Variants in ZNF423 observed in about 807,000 individuals in gnomAD.
ZNF423 encodes zinc finger protein 423.
ZNF423 carries 12 observed loss-of-function variants against 95.8 expected under a neutral mutation model. The ratio of observed to expected loss-of-function variants is 0.13; its 90% confidence interval spans 0.08 to 0.20. The LOEUF (loss-of-function observed/expected upper bound fraction) is 0.20. Ranked by LOEUF, ZNF423 falls within the 10% of genes least tolerant of loss-of-function variation. The pLI, the probability that ZNF423 is intolerant of heterozygous loss-of-function variation, is 1.00. For synonymous variants in ZNF423, 749 were observed against 711.9 expected, an observed-to-expected ratio of 1.05 and a Z score of -0.83; for missense variants, 1,316 against 1,737.1, an observed-to-expected ratio of 0.76 and a Z score of 4.31.
intron 5 of ZNF423, among the ~76,000 whole-genome samples, chr16:49,613,826 T>C (rs1347182041): frequency 1.3e-5 from 2 of 152,044 alleles, no homozygotes; most frequent in Admixed American, 6.6e-5. Flanking sequence ...CTAAGTCTTA[T>C]ATTGTATATA....
At chr16:49,661,815 G>A (rs905065015) in intron 3 of ZNF423, among the ~76,000 whole-genome samples, 2 of 152,166 alleles carry the variant, frequency 1.3e-5, no homozygotes. Flanking sequence ...GAGAGCCTCC[G>A]TTCAAATCTC....
intron 3 of ZNF423, among the ~76,000 whole-genome samples, chr16:49,692,714 C>T (rs2031832124): frequency 6.6e-6 from 1 of 152,230 alleles, no homozygotes. Flanking sequence ...AAATGCCCAC[C>T]CACTCACAAC....
chr16:49,795,010 T>C (rs898247159), intron 1 of ZNF423, among the ~76,000 whole-genome samples: 5 of 152,198 alleles, frequency 3.3e-5, no homozygotes, highest in African/African-American at 1.2e-4. Context: ...TAGCTGGGAT[T>C]ACAGGCGCTT....
chr16:49,858,888 G>A (rs1203208346), upstream of ZNF423, among the ~76,000 whole-genome samples: 2 of 152,196 alleles, frequency 1.3e-5, no homozygotes, highest in Admixed American at 6.5e-5. This position sits in a 1 kb window ranked among gnomAD's most constrained non-coding sequence, Gnocchi z 4.3. Flanking sequence ...CGAGGCCCGC[G>A]GAGAGTGGCT....
At chr16:49,574,813 C>T (rs1460045986) in intron 5 of ZNF423, among the ~76,000 whole-genome samples, 2 of 152,192 alleles carry the variant, frequency 1.3e-5, no homozygotes, top group African/African-American at 4.8e-5. Flanking sequence ...TGCTGCCTGC[C>T]CCTGCTGCCC....
chr16:49,754,777 G>A (rs911540069), intron 2 of ZNF423, among the ~76,000 whole-genome samples: 2 of 152,208 alleles, frequency 1.3e-5, no homozygotes, highest in Non-Finnish European at 2.9e-5. Context: ...TGGGGGGCTT[G>A]CGGGCCTGGG....
intron 1 of ZNF423, among the ~76,000 whole-genome samples, chr16:49,845,420 T>C (rs1462083146): frequency 6.6e-6 from 1 of 151,862 alleles, no homozygotes; most frequent in Admixed American, 6.6e-5. Context: ...TTTTTTTTAA[T>C]GGATGAGAGG....
At chr16:49,849,194 T>C (rs2035276279) in intron 1 of ZNF423, among the ~76,000 whole-genome samples, 1 of 152,138 alleles carries the variant, frequency 6.6e-6, no homozygotes, top group Non-Finnish European at 1.5e-5. Flanking sequence ...GAAGGACAGA[T>C]GACATGATTT....
At chr16:49,520,096 C>G (rs1016643267) in intron 7 of ZNF423, among the ~76,000 whole-genome samples, 1 of 152,158 alleles carries the variant, frequency 6.6e-6, no homozygotes, top group Non-Finnish European at 1.5e-5. Context: ...GTCATTGGCT[C>G]TTATTGGAAA....
At chr16:49,698,642 G>A (rs568320576) in intron 3 of ZNF423, among the ~76,000 whole-genome samples, 12 of 152,282 alleles carry the variant, frequency 7.9e-5, no homozygotes, top group Non-Finnish European at 1.5e-4. Flanking sequence ...CCTCGGCCTG[G>A]CAAGCGGTGG....
chr16:49,615,435 G>A (rs1165385014), intron 5 of ZNF423, among the ~76,000 whole-genome samples: 11 of 152,168 alleles, frequency 7.2e-5, no homozygotes, highest in African/African-American at 2.7e-4. Context: ...GATGGGACAG[G>A]AGGGTTCTGG....
chr16:49,698,652 G>A (rs185900867), intron 3 of ZNF423, among the ~76,000 whole-genome samples: 1 of 152,260 alleles, frequency 6.6e-6, no homozygotes, highest in Non-Finnish European at 1.5e-5. Flanking sequence ...GCAAGCGGTG[G>A]GCCCGGCGCC....
At chr16:49,513,212 G>A (rs1306285116) in intron 7 of ZNF423, among the ~76,000 whole-genome samples, 2 of 152,186 alleles carry the variant, frequency 1.3e-5, no homozygotes, top group East Asian at 1.9e-4. Flanking sequence ...TCCAGCGTGA[G>A]CAACAGGTTC....
At chr16:49,766,286 C>T (rs1048347664) in intron 2 of ZNF423, among the ~76,000 whole-genome samples, 1 of 152,090 alleles carries the variant, frequency 6.6e-6, no homozygotes, top group African/African-American at 2.4e-5. Context: ...TTTGCAGCTC[C>T]AGCGAGCCTA....
Position 49,767,239 on chromosome 16 carries a change from C to T in ZNF423, c.100+22248G>A, listed in dbSNP as rs187485464. On this transcript the variant is annotated intron_variant, in intron 2 of 7. Transcript: ENST00000563137. ...CCAAAGTGCGGGGCTTACAGGCCAC[C>T]GTGCCTGGCCCCAGAACCCAATTCT... Among the ~76,000 whole-genome samples the T allele has an allele frequency of 4.2e-3, 632 of 151,972 alleles. 2 individuals are homozygous for T. The highest frequency in any genetic ancestry group is 7.7e-3 in the Non-Finnish European group (522 of 67,966).
At chr16:49,760,242 G>C (rs2033803990) in intron 2 of ZNF423, among the ~76,000 whole-genome samples, 1 of 122,158 alleles carries the variant, frequency 8.2e-6, no homozygotes, top group African/African-American at 3.1e-5. Flanking sequence ...GGGTGGGGTG[G>C]GTAGATGGAT....
At position 49,809,402 on chromosome 16, in the gene ZNF423, T is replaced by C. The variant is rs2034716466; in HGVS notation, c.41-19856A>G. On this transcript the variant is annotated intron_variant, in intron 1 of 7. Coordinates refer to ENST00000563137, the MANE Select transcript of ZNF423 (RefSeq NM_001379286.1). ...GCTCTGTGTGTCACCCACACTGCTATGCTCCAGCGGGCGGCAGCAGGTTCA... is the reference window on the plus strand; with the variant it reads ...GCTCTGTGTGTCACCCACACTGCTACGCTCCAGCGGGCGGCAGCAGGTTCA... Among the ~76,000 whole-genome samples the C allele has an allele frequency of 2.6e-5, 4 of 152,198 alleles. 1 individual carries two copies. The highest frequency in any genetic ancestry group is 2.9e-5 in the Non-Finnish European group (2 of 68,032).
rs201546282 is a variant in ZNF423 at position 49,638,861 on chromosome 16, G to T, written c.315C>A (p.Asp105Glu). Residue 105 changes from aspartate to glutamate, a missense_variant, in exon 4 of 8, where the codon GAC (aspartate) becomes GAA (glutamate). By Grantham distance (45) the Asp-to-Glu change is conservative (BLOSUM62 2). Coordinates refer to ENST00000563137, the MANE Select transcript of ZNF423 (RefSeq NM_001379286.1). This position sits in a 1 kb window ranked among gnomAD's most constrained non-coding sequence, Gnocchi z 5.6. ...ACGAGGCCACCCAGGAGAGTTGTGGGTCGTCATCACCATCTGCAAGAGAAG... is the reference window on the plus strand; with the variant it reads ...ACGAGGCCACCCAGGAGAGTTGTGGTTCGTCATCACCATCTGCAAGAGAAG... ...AHRCPGDGDD[D>E]PQLSWVASSP... 1.1e-4 allele frequency: 181 copies of T among 1,606,056 alleles called. No individual in the cohort carries two copies. Among genetic ancestry groups the T allele is most frequent in the Non-Finnish European group, 1.5e-4 (174 of 1,174,876 alleles).
intron 3 of ZNF423, among the ~76,000 whole-genome samples, chr16:49,674,557 AC>A (rs1197432790): frequency 6.6e-6 from 1 of 152,020 alleles, no homozygotes; most frequent in Non-Finnish European, 1.5e-5. Context: ...CCCAGAGTCC[AC>A]CCCCTGCACC....
Sources: allele counts gnomAD v4.1 joint callset (sites outside exome capture counted in the v4.1 genomes callset), GRCh38; gene constraint gnomAD v4.1.1; non-coding constraint Gnocchi (gnomAD v3.1); transcripts MANE v1.5; gene names NCBI Gene and HGNC (gene_info 2026-07-23, HGNC 2026-07-21).